DLG2: variants seen among roughly 807,000 people sequenced by gnomAD.
DLG2 encodes disks large homolog 2.
A neutral mutation model predicts 132.5 loss-of-function variants in DLG2; 45 were observed. That is an observed-to-expected ratio of 0.34 (90% CI 0.27 to 0.44). The LOEUF is 0.44. Among genes scored for constraint, DLG2 ranks in the 20% least tolerant of loss-of-function variants. The pLI is 1.00. For synonymous variants in DLG2, 424 were observed against 419.6 expected (o/e 1.01, Z -0.13); for missense variants, 1,045 against 1,196.9 (o/e 0.87, Z 1.87).
At chr11:83,870,670 T>C (rs1419158964) in intron 16 of DLG2, among the ~76,000 whole-genome samples, 5 of 152,184 alleles carry the variant, frequency 3.3e-5, no homozygotes, top group African/African-American at 9.7e-5. Flanking sequence ...AGTGATTCAA[T>C]TTTTTCTGAG....
chr11:83,964,489 T>A (rs1179884018), intron 13 of DLG2, among the ~76,000 whole-genome samples: 1 of 152,020 alleles, frequency 6.6e-6, no homozygotes, highest in Admixed American at 6.6e-5. Context: ...ACCATAGTAC[T>A]AATTAATGGC....
intron 11 of DLG2, among the ~76,000 whole-genome samples, chr11:83,992,059 G>T (rs1481634286): frequency 6.6e-6 from 1 of 152,156 alleles, no homozygotes; most frequent in Non-Finnish European, 1.5e-5. Flanking sequence ...ATCAAAGATT[G>T]TAAGCAACCA....
intron 6 of DLG2, among the ~76,000 whole-genome samples, chr11:84,644,156 C>T (rs1413764629): frequency 6.6e-6 from 1 of 152,084 alleles, no homozygotes; most frequent in African/African-American, 2.4e-5. Context: ...CCTGAGTTTT[C>T]CCGGGGGCTG....
intron 15 of DLG2, among the ~76,000 whole-genome samples, chr11:83,877,842 G>A (rs1423808627): frequency 1.3e-5 from 2 of 152,196 alleles, no homozygotes; most frequent in Non-Finnish European, 2.9e-5. Flanking sequence ...GATGCTTGTA[G>A]TGGATGTTTG....
In DLG2 at chr11:83,812,077, G is replaced by C. The variant is rs1348173284; in HGVS notation, c.1722+21537C>G. 2.6e-5 allele frequency among the ~76,000 whole-genome samples: 4 copies of C among 152,098 alleles called. No homozygotes were observed. In the East Asian group the frequency reaches 7.7e-4, roughly 29 times the overall value. On this transcript the variant is annotated intron_variant, in intron 17 of 27. Coordinates refer to ENST00000376104, the MANE Select transcript of DLG2 (RefSeq NM_001142699.3). ...TTGTCATCAACACCCTTTACTAGTA[G>C]CTTTTGAACTTCCATCTGTCTACTG...
intron 5 of DLG2, among the ~76,000 whole-genome samples, chr11:85,122,697 G>A (rs1295055052): frequency 6.6e-6 from 1 of 151,774 alleles, no homozygotes; most frequent in Non-Finnish European, 1.5e-5. Flanking sequence ...TGCATTTCCA[G>A]CAGTTTTCTA....
intron 3 of DLG2, among the ~76,000 whole-genome samples, chr11:85,443,662 T>C (rs2153033506): frequency 6.6e-6 from 1 of 152,342 alleles, no homozygotes; most frequent in African/African-American, 2.4e-5. Flanking sequence ...ATTGATGACA[T>C]AAACCATATT....
chr11:84,575,071 C>G (rs1282999258), intron 6 of DLG2, among the ~76,000 whole-genome samples: 2 of 152,162 alleles, frequency 1.3e-5, no homozygotes, highest in Non-Finnish European at 2.9e-5. Flanking sequence ...CTGCCGTGCT[C>G]TAAGCTGGAT....
chr11:83,825,473 G>A (rs1475620026), intron 17 of DLG2, among the ~76,000 whole-genome samples: 1 of 151,950 alleles, frequency 6.6e-6, no homozygotes, highest in Non-Finnish European at 1.5e-5. Context: ...GAGCCACTGT[G>A]CCCGGCCTAA....
At chr11:85,470,933 CCAGACGCAA>C (rs1349263412) in intron 3 of DLG2, among the ~76,000 whole-genome samples, 4 of 152,254 alleles carry the variant, frequency 2.6e-5, no homozygotes, top group African/African-American at 7.2e-5. Context: ...CATTGTAAAT[CCAGACGCAA>C]CTGTCTTATC....
chr11:84,891,123 G>C (rs1255914172), intron 6 of DLG2, among the ~76,000 whole-genome samples: 3 of 152,084 alleles, frequency 2.0e-5, no homozygotes, highest in African/African-American at 7.2e-5. Context: ...CTATATGTTA[G>C]ATTTCCCTTT....
chr11:84,751,788 T>C (rs1565871075), intron 6 of DLG2, among the ~76,000 whole-genome samples: 1 of 152,212 alleles, frequency 6.6e-6, no homozygotes, highest in Non-Finnish European at 1.5e-5. Flanking sequence ...CAATCTTATG[T>C]TTTAAAGTTG....
intron 6 of DLG2, among the ~76,000 whole-genome samples, chr11:85,028,556 A>G (rs907317085): frequency 1.3e-5 from 2 of 152,078 alleles, no homozygotes; most frequent in Non-Finnish European, 2.9e-5. Context: ...ACGGGCACCC[A>G]AAGTCCAGAG....
At chr11:85,588,114 T>A (rs2079082902) in intron 3 of DLG2, among the ~76,000 whole-genome samples, 1 of 152,218 alleles carries the variant, frequency 6.6e-6, no homozygotes, top group South Asian at 2.1e-4. Context: ...TGCTTTCGCC[T>A]CACAGCTCTT....
At chr11:84,181,825 G>C (rs2096137091) in intron 8 of DLG2, among the ~76,000 whole-genome samples, 1 of 152,300 alleles carries the variant, frequency 6.6e-6, no homozygotes, top group South Asian at 2.1e-4. Flanking sequence ...ACTGGGAGAA[G>C]ATGTAACAAC....
chr11:84,489,377 A>G (rs926994317), intron 7 of DLG2, among the ~76,000 whole-genome samples: 1 of 152,090 alleles, frequency 6.6e-6, no homozygotes, highest in Non-Finnish European at 1.5e-5. Flanking sequence ...TTCCTAAACC[A>G]TCTACTATTC....
intron 6 of DLG2, among the ~76,000 whole-genome samples, chr11:84,644,285 A>G (rs998558681): frequency 1.3e-5 from 2 of 152,196 alleles, no homozygotes; most frequent in Non-Finnish European, 2.9e-5. Flanking sequence ...AGCATCTCCT[A>G]GTGTGAAAAA....
chr11:84,317,259 A>C (rs972163793), intron 7 of DLG2: 1 of 1,497,688 alleles, frequency 6.7e-7, no homozygotes, highest in African/African-American at 1.4e-5. Context: ...TGGATTCCTC[A>C]GTATCTTTGA....
At chr11:84,043,586 G>A (rs1467479118) in intron 11 of DLG2, among the ~76,000 whole-genome samples, 2 of 151,676 alleles carry the variant, frequency 1.3e-5, no homozygotes, top group Non-Finnish European at 2.9e-5. Flanking sequence ...CTGAAAAAGT[G>A]ATATATTTTT....
Sources: allele counts gnomAD v4.1 joint callset (sites outside exome capture counted in the v4.1 genomes callset), GRCh38; gene constraint gnomAD v4.1.1; transcripts MANE v1.5; gene names NCBI Gene and HGNC (gene_info 2026-07-23, HGNC 2026-07-21).